The following ZNF454 variants were observed in gnomAD, a reference collection of about 807,000 sequenced individuals.
The protein encoded by ZNF454 is zinc finger protein 454.
A neutral mutation model predicts 48.2 loss-of-function variants in ZNF454; 30 were observed. The ratio of observed to expected loss-of-function variants is 0.62; its 90% CI spans 0.47 to 0.84. The LOEUF (loss-of-function observed/expected upper bound fraction) is 0.84, where lower values mean the gene tolerates loss of function less well. ZNF454 is among the 40% of genes least tolerant of loss of function. The pLI, the probability that ZNF454 is intolerant of heterozygous loss-of-function variation, is 0.00. For missense variants in ZNF454, 510 were observed against 623.1 expected (o/e 0.82, Z 1.93); for synonymous variants, 204 against 211.4 (o/e 0.97, Z 0.30).
rs1191538622 is a variant in ZNF454 at position 178,941,746 on chromosome 5, C to G, written c.-108+302C>G. ...GACGGGGCTGTGTGTGATTAGGGTT[C>G]CTAACCCTTCCCTCTCCCCTCCCGC... is the stretch of plus-strand genomic sequence containing the variant. On this transcript the variant is annotated intron_variant, in intron 1 of 4. Coordinates refer to ENST00000519564, the MANE Select transcript of ZNF454 (RefSeq NM_001178089.3). This position sits in a 1 kb window ranked among gnomAD's most constrained non-coding sequence, Gnocchi z 5.5. Among the ~76,000 whole-genome samples the G allele has an allele frequency of 6.6e-6, 1 of 152,146 alleles. No individual in the cohort carries two copies. Among genetic ancestry groups the G allele is most frequent in the Non-Finnish European group, 1.5e-5 (1 of 68,010 alleles).
the ZNF454 span, chr5:178,982,721 G>A: frequency 3.6e-6 from 2 of 554,722 alleles, no homozygotes; most frequent in South Asian, 2.5e-5. Context: ...AAGAAGAGTG[G>A]AAGTTAAGAA....
chr5:178,947,513 A>G (rs1394825649), intron 4 of ZNF454, among the ~76,000 whole-genome samples: 2 of 152,214 alleles, frequency 1.3e-5, no homozygotes, highest in Non-Finnish European at 2.9e-5. Context: ...TGCAAGTGCC[A>G]TGGAGCCCAG....
the ZNF454 span, among the ~76,000 whole-genome samples, chr5:178,974,529 A>G: frequency 1.6e-4 from 24 of 152,260 alleles, no homozygotes; most frequent in South Asian, 3.5e-3. Flanking sequence ...CGTGTTAGCC[A>G]GGATGGTCTC....
At chr5:178,978,308 C>T in the ZNF454 span, 10 of 152,090 alleles carry the variant, frequency 6.6e-5, no homozygotes, top group African/African-American at 2.2e-4. Flanking sequence ...AAAGAAGCAA[C>T]CGAAGACCTA....
At chr5:178,950,090 C>G (rs761649458) in intron 4 of ZNF454, among the ~76,000 whole-genome samples, 4 of 151,792 alleles carry the variant, frequency 2.6e-5, no homozygotes, top group Non-Finnish European at 4.4e-5. Context: ...CCAGGCTGGT[C>G]TCAAACTCCT....
At chr5:178,950,166 C>A (rs1330993486) in intron 4 of ZNF454, among the ~76,000 whole-genome samples, 2 of 152,176 alleles carry the variant, frequency 1.3e-5, no homozygotes, top group Non-Finnish European at 2.9e-5. Flanking sequence ...AGCCACCGTA[C>A]CTGGCTGACA....
downstream of ZNF454, among the ~76,000 whole-genome samples, chr5:178,969,128 T>C (rs1262751021): frequency 1.3e-5 from 2 of 152,168 alleles, no homozygotes; most frequent in Non-Finnish European, 2.9e-5. Flanking sequence ...GGCTTTACTG[T>C]ATTACACTGT....
At chr5:178,948,878 A>G (rs1430596105) in intron 4 of ZNF454, among the ~76,000 whole-genome samples, 4 of 146,592 alleles carry the variant, frequency 2.7e-5, no homozygotes, top group African/African-American at 7.5e-5. Context: ...TACATAATGT[A>G]TAATTGATAT....
chr5:178,965,018 C>T lies in ZNF454; in HGVS notation c.614C>T (p.Ala205Val), dbSNP rs774807125. The T allele has an allele frequency of 6.8e-6, 11 of 1,613,768 alleles. No homozygotes were observed. In the Admixed American group the frequency reaches 1.5e-4, roughly 22 times the overall value. ...CAGAAAATTCATAATGAAAAAAATG[C>T]AAATCAGAAAATTCATATTAAGGAG... ...KHQKIHNEKN[A>V]NQKIHIKEKR... Residue 205 changes from alanine (A) to valine (V), a missense_variant, in exon 5 of 5, where the codon GCA becomes GTA. By Grantham distance (64) the Ala-to-Val change is moderately conservative. This residue lies in a region of ZNF454 where 354 missense variants were observed against 408.9 expected (regional missense o/e 0.87). Transcript: ENST00000519564. This position sits in a 1 kb window ranked among gnomAD's most constrained non-coding sequence, Gnocchi z 5.2.
intron 4 of ZNF454, among the ~76,000 whole-genome samples, chr5:178,953,694 C>T (rs892400765): frequency 6.6e-6 from 1 of 152,200 alleles, no homozygotes; most frequent in Non-Finnish European, 1.5e-5. Context: ...GATCATTCAA[C>T]TGGATAGAAT....
the ZNF454 span, among the ~76,000 whole-genome samples, chr5:178,971,894 G>T: frequency 6.6e-6 from 1 of 151,808 alleles, no homozygotes; most frequent in Non-Finnish European, 1.5e-5. Flanking sequence ...AGGAAGGGCG[G>T]CTCTGTCTGT....
At chr5:178,989,223 C>A in the ZNF454 span, 5 of 1,134,354 alleles carry the variant, frequency 4.4e-6, no homozygotes, top group Non-Finnish European at 6.5e-6. Flanking sequence ...CCTCACCACC[C>A]TCCCCACCCT....
chr5:178,947,046 T>C (rs1759367676), intron 4 of ZNF454, 60 bp downstream of exon 4: 1 of 1,445,574 alleles, frequency 6.9e-7, no homozygotes, highest in Admixed American at 2.0e-5. Context: ...GAAGGCTCCG[T>C]AGGGAAGGCA....
chr5:178,960,338 A>T (rs1266744054), intron 4 of ZNF454, among the ~76,000 whole-genome samples: 1 of 150,874 alleles, frequency 6.6e-6, no homozygotes, highest in Admixed American at 6.7e-5. Flanking sequence ...GCTCACTGCA[A>T]CTTCCACCTC....
At chr5:178,974,701 C>T in the ZNF454 span, among the ~76,000 whole-genome samples, 1 of 152,124 alleles carries the variant, frequency 6.6e-6, no homozygotes, top group Non-Finnish European at 1.5e-5. Flanking sequence ...GTGCATTGTT[C>T]CTACATTATG....
At chr5:178,977,120 T>C in the ZNF454 span, among the ~76,000 whole-genome samples, 1 of 152,002 alleles carries the variant, frequency 6.6e-6, no homozygotes, top group Non-Finnish European at 1.5e-5. Flanking sequence ...CTATGTAGGA[T>C]GAATAAGAGG....
chr5:178,989,539 G>A, the ZNF454 span: 2 of 1,122,094 alleles, frequency 1.8e-6, no homozygotes, highest in Non-Finnish European at 2.7e-6. Flanking sequence ...AACTAGGCAT[G>A]GCCAGGTGAG....
chr5:178,959,918 T>C (rs933806795), intron 4 of ZNF454, among the ~76,000 whole-genome samples: 6 of 150,772 alleles, frequency 4.0e-5, no homozygotes, highest in Non-Finnish European at 7.4e-5. Context: ...TTTTTTCTTT[T>C]CTTTTCTTTT....
At chr5:178,985,596 G>A in the ZNF454 span, 222 of 348,222 alleles carry the variant, frequency 6.4e-4, no homozygotes, top group Admixed American at 1.1e-3. Flanking sequence ...CCAGCTACTC[G>A]GGAGGCTGAG....
Sources: gnomAD v4.1 joint callset for allele counts (sites outside exome capture counted in the v4.1 genomes callset) on GRCh38, gnomAD v4.1.1 for gene constraint, gnomAD v4.1.1 regional missense constraint, Gnocchi (gnomAD v3.1) non-coding constraint, MANE v1.5 for transcripts, NCBI Gene and HGNC (gene_info 2026-07-23, HGNC 2026-07-21) for gene names.